Variants in KCNH7 observed in about 807,000 individuals in gnomAD.
KCNH7 encodes the protein potassium voltage-gated channel subfamily H member 7.
KCNH7 carries 49 observed loss-of-function variants against 120.8 expected under a neutral mutation model. That is an observed-to-expected ratio of 0.41 (90% CI 0.32 to 0.51). KCNH7 has a LOEUF of 0.51. Among genes scored for constraint, KCNH7 ranks in the 20% least tolerant of loss-of-function variants. The pLI, the probability that KCNH7 is intolerant of heterozygous loss-of-function variation, is 0.38. For synonymous variants in KCNH7, 547 were observed against 516.1 expected, an observed-to-expected ratio of 1.06 and a Z score of -0.81; for missense variants, 1,097 against 1,446.6, an observed-to-expected ratio of 0.76 and a Z score of 3.92.
intron 7 of KCNH7, 104 bp downstream of exon 7, chr2:162,445,914 G>C: frequency 1.2e-6 from 1 of 843,090 alleles, no homozygotes; most frequent in Non-Finnish European, 1.8e-6. Flanking sequence ...TTTTATCAGT[G>C]AGATACAAGA....
intron 2 of KCNH7, among the ~76,000 whole-genome samples, chr2:162,761,750 C>G (rs750262554): frequency 2.0e-5 from 3 of 151,998 alleles, no homozygotes; most frequent in Non-Finnish European, 2.9e-5. Context: ...AGAAATCTGC[C>G]TGAGTGTGAG....
At position 162,661,057 on chromosome 2, in the gene KCNH7, C is replaced by T. The variant is rs145142835; in HGVS notation, c.308-123977G>A. Among the ~76,000 whole-genome samples the T allele has an allele frequency of 4.5e-3, 691 of 152,194 alleles. 9 individuals are homozygous for T. The highest frequency in any genetic ancestry group is 0.016 in the African/African-American group (654 of 41,526). ...ATTTATTATTATTTTGAAGAAACTA[C>T]CACACATTAAAATTATTTTCAAAAT... On this transcript the variant is annotated intron_variant, in intron 2 of 15. Coordinates refer to ENST00000332142, the MANE Select transcript of KCNH7 (RefSeq NM_033272.4).
intron 8 of KCNH7, among the ~76,000 whole-genome samples, chr2:162,427,362 C>T (rs562806866): frequency 6.6e-6 from 1 of 151,998 alleles, no homozygotes; most frequent in Admixed American, 6.6e-5. Context: ...GTTCCATATC[C>T]TCTCCAACAC....
At chr2:162,374,798 G>T (rs1686103375) in intron 14 of KCNH7, among the ~76,000 whole-genome samples, 1 of 151,694 alleles carries the variant, frequency 6.6e-6, no homozygotes, top group Non-Finnish European at 1.5e-5. Context: ...TTTTTCTATA[G>T]TTAGTAAATA....
chr2:162,547,375 G>A (rs996536105), intron 2 of KCNH7, among the ~76,000 whole-genome samples: 2 of 152,148 alleles, frequency 1.3e-5, no homozygotes, highest in Non-Finnish European at 1.5e-5. Flanking sequence ...AGGAGAGCAT[G>A]AGCAATGTGG....
At chr2:162,779,179 A>ATT (rs71410045) in intron 2 of KCNH7, among the ~76,000 whole-genome samples, 16 of 151,600 alleles carry the variant, frequency 1.1e-4, no homozygotes, top group Middle Eastern at 6.8e-3. Context: ...GCCAGTCTTA[A>ATT]TTTTTTTTGT....
chr2:162,570,553 G>A (rs2105897654), intron 2 of KCNH7, among the ~76,000 whole-genome samples: 1 of 152,124 alleles, frequency 6.6e-6, no homozygotes, highest in Non-Finnish European at 1.5e-5. Flanking sequence ...ATTGTTATGT[G>A]TGAATTTGAT....
intron 2 of KCNH7, among the ~76,000 whole-genome samples, chr2:162,753,174 T>C (rs2105437446): frequency 6.6e-6 from 1 of 151,920 alleles, no homozygotes; most frequent in Non-Finnish European, 1.5e-5. Flanking sequence ...TTCTTACTTG[T>C]TTGCTCATCG....
At chr2:162,713,713 A>G (rs1183320504) in intron 2 of KCNH7, among the ~76,000 whole-genome samples, 1 of 152,090 alleles carries the variant, frequency 6.6e-6, no homozygotes, top group Non-Finnish European at 1.5e-5. Flanking sequence ...CATATAGAGT[A>G]ATGTAGTATT....
At chr2:162,417,349 T>C (rs1453814077) in intron 9 of KCNH7, among the ~76,000 whole-genome samples, 1 of 152,168 alleles carries the variant, frequency 6.6e-6, no homozygotes, top group Non-Finnish European at 1.5e-5. Context: ...GTGTTGATTA[T>C]CAAGTGATCT....
At chr2:162,670,073 C>A (rs1685290257) in intron 2 of KCNH7, among the ~76,000 whole-genome samples, 1 of 152,042 alleles carries the variant, frequency 6.6e-6, no homozygotes, top group Non-Finnish European at 1.5e-5. Context: ...TGTACTCCAG[C>A]CTGGGCGACA....
At chr2:162,801,549 G>A (rs1336068500) in intron 2 of KCNH7, among the ~76,000 whole-genome samples, 1 of 151,568 alleles carries the variant, frequency 6.6e-6, no homozygotes, top group East Asian at 1.9e-4. Flanking sequence ...TCATTCTGAT[G>A]TTCTCAAAAG....
rs191878408 is a variant in KCNH7 at position 162,521,034 on chromosome 2, A to G, written c.464-2876T>C. ...CTACTGAGCTCATCCTTTAGATTTT[A>G]GCACCAAAGTGATTTCATGGGTAAG... On this transcript the variant is annotated intron_variant, in intron 3 of 15. Coordinates refer to ENST00000332142, the MANE Select transcript of KCNH7 (RefSeq NM_033272.4). 3.4e-4 allele frequency among the ~76,000 whole-genome samples: 52 copies of G among 151,976 alleles called. No individual in the cohort carries two copies. In the East Asian group the frequency reaches 9.4e-3, roughly 27 times the overall value.
intron 2 of KCNH7, among the ~76,000 whole-genome samples, chr2:162,582,686 T>C (rs1693915206): frequency 6.6e-6 from 1 of 151,950 alleles, no homozygotes; most frequent in South Asian, 2.1e-4. Flanking sequence ...GGTCACATTA[T>C]CTTTAGATCT....
intron 14 of KCNH7, among the ~76,000 whole-genome samples, chr2:162,375,995 T>G (rs1686159778): frequency 6.6e-6 from 1 of 152,108 alleles, no homozygotes; most frequent in East Asian, 1.9e-4. Flanking sequence ...TAAATCCAGC[T>G]TGGTATTTAA....
At chr2:162,615,754 AT>A (rs946547200) in intron 2 of KCNH7, among the ~76,000 whole-genome samples, 4 of 151,714 alleles carry the variant, frequency 2.6e-5, no homozygotes, top group African/African-American at 7.3e-5. Flanking sequence ...GTTTCACTCT[AT>A]TTTTTTTAAT....
At chr2:162,748,927 T>TTCCC (rs1482969127) in intron 2 of KCNH7, among the ~76,000 whole-genome samples, 1 of 27,842 alleles carries the variant, frequency 3.6e-5, no homozygotes, top group African/African-American at 2.3e-4. Context: ...TTCCCTTTCC[T>TTCCC]TTCCTTCCTT....
At chr2:162,812,890 C>T (rs755144143) in intron 2 of KCNH7, among the ~76,000 whole-genome samples, 8 of 152,052 alleles carry the variant, frequency 5.3e-5, no homozygotes, top group Non-Finnish European at 5.9e-5. Flanking sequence ...CTTGGAGTAA[C>T]TGGTGACCTT....
At chr2:162,691,377 CTT>C (rs1414818909) in intron 2 of KCNH7, among the ~76,000 whole-genome samples, 1 of 152,026 alleles carries the variant, frequency 6.6e-6, no homozygotes, top group East Asian at 1.9e-4. Flanking sequence ...CCTGTGGAGA[CTT>C]TTGTTTGAGT....
Sources: gnomAD v4.1 joint callset for allele counts (sites outside exome capture counted in the v4.1 genomes callset) on GRCh38, gnomAD v4.1.1 for gene constraint, MANE v1.5 for transcripts, NCBI Gene and HGNC (gene_info 2026-07-23, HGNC 2026-07-21) for gene names.